The following CAMK2D variants were observed in gnomAD, a reference collection of about 807,000 sequenced individuals.
CAMK2D encodes the protein calcium/calmodulin-dependent protein kinase type II subunit delta.
CAMK2D carries 37 observed loss-of-function variants against 84.0 expected under a neutral mutation model. The observed-to-expected ratio is 0.44, with a 90% CI of 0.34 to 0.58. CAMK2D has a LOEUF of 0.58. Ranked by LOEUF, CAMK2D falls within the 20% of genes least tolerant of loss-of-function variation. The probability of loss-of-function intolerance (pLI) is 0.02; values close to 1 mark genes in which losing one functional copy is unlikely to be tolerated. For synonymous variants in CAMK2D, 202 were observed against 212.5 expected (o/e 0.95, Z 0.43); for missense variants, 448 against 652.5 (o/e 0.69, Z 3.41).
chr4:113,760,973 G>T lies in CAMK2D; in HGVS notation c.65+31C>A, dbSNP rs111299023. The T allele has an allele frequency of 4.3e-6, 7 of 1,614,000 alleles. No homozygotes were observed. In the African/African-American group the frequency reaches 8.0e-5, roughly 18 times the overall value. ...CGCGACCCGCCCTCAGCTGGAAAGG[G>T]GATATGCGGATGCCGGGCAAAGGTG... On this transcript the variant is annotated intron_variant, in intron 1 of 20. Coordinates refer to ENST00000511664, the MANE Select transcript of CAMK2D (RefSeq NM_001321571.2).
At chr4:113,663,462 G>C (rs2099243794) in intron 2 of CAMK2D, among the ~76,000 whole-genome samples, 1 of 151,980 alleles carries the variant, frequency 6.6e-6, no homozygotes, top group African/African-American at 2.4e-5. Flanking sequence ...GGTGGTTGGT[G>C]CCTGTAATCC....
At chr4:113,582,367 C>T (rs2098814287) in intron 4 of CAMK2D, among the ~76,000 whole-genome samples, 1 of 152,162 alleles carries the variant, frequency 6.6e-6, no homozygotes, top group Non-Finnish European at 1.5e-5. Flanking sequence ...GTCTCTTTAA[C>T]CTGAATTTAT....
At chr4:113,559,617 T>C (rs2098688791) in intron 4 of CAMK2D, among the ~76,000 whole-genome samples, 1 of 152,254 alleles carries the variant, frequency 6.6e-6, no homozygotes, top group South Asian at 2.1e-4. Flanking sequence ...CCTGTGCATG[T>C]AAGATTTCAC....
intron 16 of CAMK2D, among the ~76,000 whole-genome samples, chr4:113,474,903 T>A (rs1028989318): frequency 6.6e-6 from 1 of 152,148 alleles, no homozygotes; most frequent in Non-Finnish European, 1.5e-5. Flanking sequence ...CGCCTCGACC[T>A]CCCAAAGTGC....
intron 2 of CAMK2D, among the ~76,000 whole-genome samples, chr4:113,674,958 G>A (rs868587042): frequency 2.7e-4 from 41 of 152,104 alleles, no homozygotes; most frequent in African/African-American, 9.4e-4. Flanking sequence ...AAGGGACTGT[G>A]ACCAGAAGCC....
At chr4:113,756,446 C>T (rs1001055062) in intron 2 of CAMK2D, among the ~76,000 whole-genome samples, 2 of 151,846 alleles carry the variant, frequency 1.3e-5, no homozygotes, top group East Asian at 3.8e-4. Flanking sequence ...AAGTATGCTC[C>T]ACAAAAGCTT....
chr4:113,567,676 C>G (rs769086355), intron 4 of CAMK2D, among the ~76,000 whole-genome samples: 1 of 152,164 alleles, frequency 6.6e-6, no homozygotes, highest in Non-Finnish European at 1.5e-5. Context: ...TATGTTAGAA[C>G]AACTGTCTTT....
chr4:113,461,129 T>C (rs1219098048), intron 17 of CAMK2D, among the ~76,000 whole-genome samples: 1 of 152,212 alleles, frequency 6.6e-6, no homozygotes, highest in Non-Finnish European at 1.5e-5. Context: ...TTTAAGTTTA[T>C]TTTATTTTTA....
chr4:113,550,012 C>G (rs2098612831), intron 5 of CAMK2D, among the ~76,000 whole-genome samples: 1 of 152,120 alleles, frequency 6.6e-6, no homozygotes, highest in African/African-American at 2.4e-5. Context: ...TATTTCTCTT[C>G]CTGTTCTCAA....
At chr4:113,643,740 A>G (rs2099141192) in intron 3 of CAMK2D, among the ~76,000 whole-genome samples, 1 of 152,178 alleles carries the variant, frequency 6.6e-6, no homozygotes, top group Non-Finnish European at 1.5e-5. Flanking sequence ...CTTTGCCTTG[A>G]TTCCAAGTGC....
chr4:113,582,378 T>G (rs2098814314), intron 4 of CAMK2D, among the ~76,000 whole-genome samples: 1 of 152,226 alleles, frequency 6.6e-6, no homozygotes, highest in African/African-American at 2.4e-5. Flanking sequence ...CTGAATTTAT[T>G]GAGGTACAAT....
At chr4:113,692,743 T>G (rs550661221) in intron 2 of CAMK2D, among the ~76,000 whole-genome samples, 1 of 150,870 alleles carries the variant, frequency 6.6e-6, no homozygotes, top group Non-Finnish European at 1.5e-5. Context: ...TACATACATA[T>G]TCATATATAC....
chr4:113,582,741 G>A (rs1032606676), intron 4 of CAMK2D, among the ~76,000 whole-genome samples: 4 of 152,180 alleles, frequency 2.6e-5, no homozygotes, highest in African/African-American at 9.7e-5. Flanking sequence ...CATGAAACAT[G>A]TAATGTATAA....
chr4:113,592,177 G>A (rs1288809974), intron 4 of CAMK2D, among the ~76,000 whole-genome samples: 1 of 152,176 alleles, frequency 6.6e-6, no homozygotes, highest in Non-Finnish European at 1.5e-5. Context: ...GGTGTCTCAA[G>A]TAGAAGTGAA....
intron 16 of CAMK2D, among the ~76,000 whole-genome samples, chr4:113,474,498 CTTTTTTTTTTT>C (rs70961831): frequency 2.7e-3 from 239 of 89,852 alleles, no homozygotes; most frequent in African/African-American, 9.6e-3. Context: ...CCTTTTTGGC[CTTTTTTTTTTT>C]TTTTTTTTTT....
chr4:113,591,854 G>A (rs77541986), intron 4 of CAMK2D, among the ~76,000 whole-genome samples: 6,057 of 152,144 alleles, frequency 0.04, 350 homozygotes, highest in East Asian at 0.19. Flanking sequence ...AGAGTCTTCT[G>A]TGTCTTCCCA....
chr4:113,592,091 T>A (rs2098890618), intron 4 of CAMK2D, among the ~76,000 whole-genome samples: 1 of 152,170 alleles, frequency 6.6e-6, no homozygotes, highest in Non-Finnish European at 1.5e-5. Context: ...TTACAGAGAA[T>A]GTCTAAAGTA....
chr4:113,492,605 A>G lies in CAMK2D; in HGVS notation c.1135+7858T>C, dbSNP rs995490187. Among the ~76,000 whole-genome samples, 39 of 151,598 alleles carry G rather than the reference A, an allele frequency of 2.6e-4. 1 individual carries two copies. The highest frequency in any genetic ancestry group is 5.3e-4 in the Admixed American group (8 of 15,208). On this transcript the variant is annotated intron_variant, in intron 16 of 20. Transcript: ENST00000511664. ...AATAGGTGTGGTGTGGTGCTGAAAA[A>G]AATGTATATTCTGTTGATTTGGGGT...
chr4:113,678,599 A>T (rs1291547694), intron 2 of CAMK2D, among the ~76,000 whole-genome samples: 1 of 152,136 alleles, frequency 6.6e-6, no homozygotes, highest in African/African-American at 2.4e-5. Context: ...ATCATTTGTC[A>T]TCTGTTTATG....
Sources: gnomAD v4.1 joint callset for allele counts (sites outside exome capture counted in the v4.1 genomes callset) on GRCh38, gnomAD v4.1.1 for gene constraint, MANE v1.5 for transcripts, NCBI Gene and HGNC (gene_info 2026-07-23, HGNC 2026-07-21) for gene names.